YTHDC2: variants seen among roughly 807,000 people sequenced by gnomAD.
YTHDC2 encodes 3'-5' RNA helicase YTHDC2.
Under a neutral mutation model 174.9 loss-of-function variants are expected in YTHDC2, and 45 were observed. The observed-to-expected ratio is 0.26, with a 90% CI of 0.20 to 0.33. The LOEUF (loss-of-function observed/expected upper bound fraction) is 0.33, where lower values mean the gene tolerates loss of function less well. Among genes scored for constraint, YTHDC2 ranks in the 10% least tolerant of loss-of-function variants. YTHDC2 has a pLI of 1.00. For synonymous variants in YTHDC2, 657 were observed against 574.5 expected (o/e 1.14, Z -2.05); for missense variants, 1,650 against 1,723.7 (o/e 0.96, Z 0.76).
chr5:113,528,935 G>A (rs1355075159), intron 4 of YTHDC2, among the ~76,000 whole-genome samples: 1 of 151,876 alleles, frequency 6.6e-6, no homozygotes, highest in Non-Finnish European at 1.5e-5. Context: ...GGTGGTGGGG[G>A]GTTTGTATGT....
intron 17 of YTHDC2, among the ~76,000 whole-genome samples, chr5:113,558,787 G>A (rs1000767170): frequency 6.6e-6 from 1 of 151,620 alleles, no homozygotes; most frequent in Non-Finnish European, 1.5e-5. Context: ...CCAGGTGTGG[G>A]GGTGGGCACC....
rs757802593 is a variant in YTHDC2, at chr5:113,526,579, T to G, written c.476-7T>G. 2.0e-6 allele frequency: 3 copies of G among 1,536,518 alleles called. No individual in the cohort carries two copies. The highest frequency in any genetic ancestry group is 2.6e-6 in the Non-Finnish European group (3 of 1,138,616). On this transcript the variant is annotated splice_region_variant and splice_polypyrimidine_tract_variant and intron_variant, in intron 3 of 29. Coordinates refer to ENST00000161863, the MANE Select transcript of YTHDC2 (RefSeq NM_022828.5). ...TACATTTTTTGTTCTTTTATTCATT[T>G]TCAAAGAAAACCGGGAAATGAGCAA...
At chr5:113,547,612 CT>C (rs11331204) in intron 10 of YTHDC2, among the ~76,000 whole-genome samples, 48,063 of 151,796 alleles carry the variant, frequency 0.32, 10,025 homozygotes, top group African/African-American at 0.58. Context: ...ATGGGATATA[CT>C]TTTTATTTTC....
At position 113,563,401 on chromosome 5, in the gene YTHDC2, C is replaced by G. The variant is rs1016899540; in HGVS notation, c.2351C>G (p.Ala784Gly). The G allele has an allele frequency of 7.4e-6, 12 of 1,610,884 alleles. No homozygotes were observed. The highest frequency in any genetic ancestry group is 1.0e-5 in the Non-Finnish European group (12 of 1,178,274). The change falls in exon 19 of 30, where the codon GCC (alanine) becomes GGC (glycine). Residue 784 changes from alanine (A) to glycine (G), a missense_variant. Transcript: ENST00000161863. ...CTTTGCTTACATACCAAGCTGTTAG[C>G]CCCAGTTAATTGTCCCATTGCTGAT... is the stretch of plus-strand genomic sequence containing the variant. ...QELCLHTKLLAPVNCPIADFL... is the reference protein window; with the variant it reads ...QELCLHTKLLGPVNCPIADFL...
chr5:113,517,477 C>T (rs145984884), intron 2 of YTHDC2: 145 of 447,868 alleles, frequency 3.2e-4, no homozygotes, highest in African/African-American at 2.6e-3. Context: ...CATGTAAGAG[C>T]TGATCTGGAA....
intron 4 of YTHDC2, among the ~76,000 whole-genome samples, chr5:113,528,711 G>A (rs928430334): frequency 1.6e-4 from 24 of 152,094 alleles, no homozygotes; most frequent in African/African-American, 4.3e-4. Flanking sequence ...GTTTCAACAT[G>A]TTGCCGAGGC....
intron 23 of YTHDC2, among the ~76,000 whole-genome samples, chr5:113,576,512 T>C (rs1226806008): frequency 6.6e-6 from 1 of 152,198 alleles, no homozygotes; most frequent in Non-Finnish European, 1.5e-5. Flanking sequence ...GTATAGATAT[T>C]ATTCATGGTT....
At chr5:113,550,593 G>A (rs1776187664) in intron 12 of YTHDC2, among the ~76,000 whole-genome samples, 3 of 151,958 alleles carry the variant, frequency 2.0e-5, no homozygotes, top group Admixed American at 1.3e-4. Context: ...TTGGAGGTTC[G>A]CAGATAATGA....
chr5:113,535,809 T>A lies in YTHDC2; in HGVS notation c.1102+11T>A. ...GTCCAGTGATATATAGTAAGTTAAA[T>A]TGTCAGATTTCTTCTATAATTTTTA... On this transcript the variant is annotated intron_variant, in intron 7 of 29. Transcript: ENST00000161863. The A allele has an allele frequency of 6.4e-7, 1 of 1,553,160 alleles. No individual in the cohort carries two copies. The highest frequency in any genetic ancestry group is 8.7e-7 in the Non-Finnish European group (1 of 1,148,592).
chr5:113,581,922 CTG>C (rs1462012649), intron 25 of YTHDC2: 2 of 357,268 alleles, frequency 5.6e-6, no homozygotes, highest in Non-Finnish European at 9.6e-6. Context: ...CTATTGATAT[CTG>C]TGAGTTATTT....
chr5:113,539,039 G>A (rs774360505), intron 7 of YTHDC2, 35 bp from the exon 8 acceptor site: 11 of 1,037,838 alleles, frequency 1.1e-5, no homozygotes, highest in Middle Eastern at 2.5e-4. Flanking sequence ...TCTCCAAGAT[G>A]CAAGTTGAGT....
intron 4 of YTHDC2, among the ~76,000 whole-genome samples, chr5:113,528,275 C>A (rs1313737243): frequency 3.3e-5 from 5 of 151,890 alleles, no homozygotes; most frequent in African/African-American, 1.2e-4. Flanking sequence ...AAATATTATA[C>A]TCTTTGCTTT....
At chr5:113,558,722 G>A (rs186931224) in intron 17 of YTHDC2, among the ~76,000 whole-genome samples, 1 of 152,170 alleles carries the variant, frequency 6.6e-6, no homozygotes, top group Non-Finnish European at 1.5e-5. Flanking sequence ...AGGAGTTCAA[G>A]ACCAGCCTGG....
intron 23 of YTHDC2, among the ~76,000 whole-genome samples, chr5:113,573,031 C>T (rs1277888391): frequency 2.0e-5 from 3 of 152,138 alleles, no homozygotes; most frequent in Non-Finnish European, 4.4e-5. Context: ...GGTTATTTTG[C>T]AGACTTGTTT....
At chr5:113,532,423 G>A (rs554839913) in intron 4 of YTHDC2, among the ~76,000 whole-genome samples, 3 of 151,976 alleles carry the variant, frequency 2.0e-5, no homozygotes, top group South Asian at 4.2e-4. Context: ...CTACAATCCT[G>A]GATTATAGAC....
chr5:113,574,774 T>C (rs1173229538), intron 23 of YTHDC2, among the ~76,000 whole-genome samples: 1 of 151,124 alleles, frequency 6.6e-6, no homozygotes, highest in Non-Finnish European at 1.5e-5. Flanking sequence ...TTTCCTGCCT[T>C]GCTAGGGATC....
At chr5:113,591,870 G>T in intron 27 of YTHDC2, 126 bp from the exon 28 acceptor site, 1 of 722,934 alleles carries the variant, frequency 1.4e-6, no homozygotes, top group Non-Finnish European at 1.9e-6. Context: ...TTTTTGTTAG[G>T]TATCTGTTAT....
At chr5:113,537,023 G>A (rs573390936) in intron 7 of YTHDC2, among the ~76,000 whole-genome samples, 122 of 151,878 alleles carry the variant, frequency 8.0e-4, no homozygotes, top group African/African-American at 2.8e-3. Context: ...CTTTATTTTT[G>A]GATATTCAAG....
At chr5:113,546,020 G>A (rs373905706) in intron 10 of YTHDC2, among the ~76,000 whole-genome samples, 13,607 of 83,254 alleles carry the variant, frequency 0.16, 1,665 homozygotes, top group African/African-American at 0.35. Context: ...GATTACAGGC[G>A]TGAGCCACCG....
Sources: allele counts gnomAD v4.1 joint callset (sites outside exome capture counted in the v4.1 genomes callset), GRCh38; gene constraint gnomAD v4.1.1; transcripts MANE v1.5; gene names NCBI Gene and HGNC (gene_info 2026-07-23, HGNC 2026-07-21).